The following PPP1R17 variants were observed in gnomAD, a reference collection of about 807,000 sequenced individuals.
The protein encoded by PPP1R17 is protein phosphatase 1 regulatory subunit 17.
A neutral mutation model predicts 15.9 loss-of-function variants in PPP1R17; 12 were observed. The ratio of observed to expected loss-of-function variants is 0.75; its 90% CI spans 0.48 to 1.22. The LOEUF is 1.22. Ranked by LOEUF, PPP1R17 falls within the 50% of genes most tolerant of loss-of-function variation. The pLI is 0.00. For synonymous variants in PPP1R17, 63 were observed against 64.5 expected (o/e 0.98, Z 0.11); for missense variants, 211 against 187.3 (o/e 1.13, Z -0.74).
chr7:31,698,223 A>G (rs576925869), intron 4 of PPP1R17, among the ~76,000 whole-genome samples: 2 of 152,312 alleles, frequency 1.3e-5, no homozygotes, highest in South Asian at 4.1e-4. Context: ...AATTGAAAAA[A>G]CAGCTCAGAA....
chr7:31,702,043 C>T (rs1017534091), intron 4 of PPP1R17, among the ~76,000 whole-genome samples: 1 of 152,068 alleles, frequency 6.6e-6, no homozygotes, highest in Non-Finnish European at 1.5e-5. Context: ...CAAAAGGAAT[C>T]ATTTTGCCTT....
chr7:31,706,125 C>T (rs1368129441), intron 4 of PPP1R17, among the ~76,000 whole-genome samples: 1 of 149,624 alleles, frequency 6.7e-6, no homozygotes, highest in Non-Finnish European at 1.5e-5. Context: ...CTGTCTCAGC[C>T]TCCCGAGTAG....
chr7:31,704,574 C>T (rs1006611645), intron 4 of PPP1R17, among the ~76,000 whole-genome samples: 2 of 152,150 alleles, frequency 1.3e-5, no homozygotes, highest in Non-Finnish European at 2.9e-5. Flanking sequence ...GGTTCAATAG[C>T]GGAGAAGGAT....
intron 4 of PPP1R17, among the ~76,000 whole-genome samples, chr7:31,705,360 A>G (rs1793022815): frequency 6.6e-6 from 1 of 152,164 alleles, no homozygotes; most frequent in Non-Finnish European, 1.5e-5. Context: ...GCAAGGATGG[A>G]TGGAAAATTT....
At chr7:31,688,094 G>A (rs1792180993) in intron 1 of PPP1R17, among the ~76,000 whole-genome samples, 2 of 152,118 alleles carry the variant, frequency 1.3e-5, no homozygotes, top group African/African-American at 4.8e-5. Context: ...CACAAATGGA[G>A]GACTGAAAGA....
At chr7:31,704,153 T>C (rs1394058010) in intron 4 of PPP1R17, among the ~76,000 whole-genome samples, 1 of 152,210 alleles carries the variant, frequency 6.6e-6, no homozygotes, top group Non-Finnish European at 1.5e-5. Flanking sequence ...GTTTGGGACA[T>C]CGAAGATCAA....
At position 31,697,031 on chromosome 7, in the gene PPP1R17, T is replaced by C; in HGVS notation, c.302T>C (p.Ile101Thr). ...GAGAGACATCCAAAGGGCAAAATGA[T>C]CCCTGTTCTTCATAACACTGACCTG... is the stretch of plus-strand genomic sequence containing the variant. ...VQERHPKGKMIPVLHNTDLEQ... is the reference protein window; with the variant it reads ...VQERHPKGKMTPVLHNTDLEQ... Residue 101 changes from isoleucine (I) to threonine (T), a missense_variant, in exon 4 of 5, where the codon ATC (isoleucine) becomes ACC (threonine). By Grantham distance (89) the Ile-to-Thr change is moderately conservative. Transcript: ENST00000342032. The C allele has an allele frequency of 6.2e-7, 1 of 1,614,138 alleles. No individual in the cohort carries two copies. The highest frequency in any genetic ancestry group is 8.5e-7 in the Non-Finnish European group (1 of 1,180,000).
chr7:31,698,826 AAGAGATATTTAAGC>A (rs1792724105), intron 4 of PPP1R17, among the ~76,000 whole-genome samples: 1 of 152,210 alleles, frequency 6.6e-6, no homozygotes, highest in Admixed American at 6.5e-5. Context: ...CTTTCCGAGG[AAGAGATATTTAAGC>A]AGAGACCTCA....
At chr7:31,694,938 C>T (rs758247141) in intron 2 of PPP1R17, among the ~76,000 whole-genome samples, 2 of 152,084 alleles carry the variant, frequency 1.3e-5, no homozygotes, top group Admixed American at 6.5e-5. Context: ...AAGCCAGGAA[C>T]GGTGAAAAGA....
intron 4 of PPP1R17, among the ~76,000 whole-genome samples, chr7:31,706,224 C>G (rs997623319): frequency 1.3e-5 from 2 of 151,702 alleles, no homozygotes; most frequent in Non-Finnish European, 2.9e-5. Flanking sequence ...AGGCTGCTGT[C>G]TAACTCCTGA....
chr7:31,701,335 G>C (rs1312708260), intron 4 of PPP1R17, among the ~76,000 whole-genome samples: 1 of 152,198 alleles, frequency 6.6e-6, no homozygotes, highest in Admixed American at 6.5e-5. Flanking sequence ...GAAATAGCAA[G>C]AGAATTAGAA....
rs371455786 is a variant in PPP1R17, at chr7:31,695,642, C to T, written c.235+21C>T. The T allele has an allele frequency of 5.6e-6, 9 of 1,603,946 alleles. No homozygotes were observed. The African/African-American group carries it at 1.1e-4, about 19-fold the overall frequency. ...ACCAGGTAATGGACAAAGTCATCTG[C>T]ACAGCTGTAAAGGAGAGCCACTTGC... On this transcript the variant is annotated intron_variant, in intron 3 of 4. Transcript: ENST00000342032.
intron 1 of PPP1R17, among the ~76,000 whole-genome samples, chr7:31,690,119 A>G (rs1792278646): frequency 6.6e-6 from 1 of 152,222 alleles, no homozygotes; most frequent in Non-Finnish European, 1.5e-5. Context: ...TGGTGCTGCC[A>G]TAGCTGCTTT....
At chr7:31,691,932 T>C (rs1432060878) in intron 1 of PPP1R17, among the ~76,000 whole-genome samples, 1 of 152,072 alleles carries the variant, frequency 6.6e-6, no homozygotes, top group African/African-American at 2.4e-5. Flanking sequence ...TGGACCTGTA[T>C]ATAGCCTTGG....
In PPP1R17 at chr7:31,700,974, G is replaced by A. The variant is rs80133093; in HGVS notation, c.388+3857G>A. Among the ~76,000 whole-genome samples the A allele has an allele frequency of 7.2e-4, 110 of 152,276 alleles. 2 individuals are homozygous for A. In the East Asian group the frequency reaches 0.019, roughly 26 times the overall value. On this transcript the variant is annotated intron_variant, in intron 4 of 4. Transcript: ENST00000342032. ...CTCATCACCCAAGAGCTCTGATGGA[G>A]GCACACAAGGAGATTAATGTTGTTT...
intron 3 of PPP1R17, among the ~76,000 whole-genome samples, 179 bp from the exon 4 acceptor site, chr7:31,696,786 G>T (rs1185072897): frequency 6.6e-6 from 1 of 152,186 alleles, no homozygotes; most frequent in African/African-American, 2.4e-5. Context: ...TATAGACAAG[G>T]TTCCTAGTGG....
intron 1 of PPP1R17, among the ~76,000 whole-genome samples, chr7:31,692,008 T>C (rs1057208308): frequency 3.3e-5 from 5 of 152,146 alleles, no homozygotes; most frequent in Admixed American, 6.5e-5. Context: ...ATCTGTGAAG[T>C]AGACATAATC....
intron 1 of PPP1R17, 29 bp downstream of exon 1, chr7:31,687,335 AC>A (rs1273517059): frequency 3.3e-5 from 5 of 152,284 alleles, no homozygotes; most frequent in Non-Finnish European, 7.3e-5. Flanking sequence ...TACTCCAAGA[AC>A]TTTTGTGGTG....
At chr7:31,698,932 A>G (rs1041003112) in intron 4 of PPP1R17, among the ~76,000 whole-genome samples, 1 of 152,194 alleles carries the variant, frequency 6.6e-6, no homozygotes, top group African/African-American at 2.4e-5. Flanking sequence ...TAAGGCAGTG[A>G]TATCTTTAGC....
Sources: allele counts gnomAD v4.1 joint callset (sites outside exome capture counted in the v4.1 genomes callset), GRCh38; gene constraint gnomAD v4.1.1; transcripts MANE v1.5; gene names NCBI Gene and HGNC (gene_info 2026-07-23, HGNC 2026-07-21).